Variants in APOBEC3D observed in about 807,000 individuals in gnomAD.
The protein encoded by APOBEC3D is apolipoprotein B mRNA editing enzyme catalytic subunit 3D.
In APOBEC3D, 37 loss-of-function variants were observed where a neutral mutation model predicts 45.6. The observed-to-expected ratio is 0.81, with a 90% CI of 0.62 to 1.07. The LOEUF (loss-of-function observed/expected upper bound fraction) is 1.07, where lower values mean the gene tolerates loss of function less well. APOBEC3D is among the 50% of genes least tolerant of loss of function. APOBEC3D has a pLI of 0.00. For synonymous variants in APOBEC3D, 175 were observed against 180.7 expected (o/e 0.97, Z 0.25); for missense variants, 496 against 495.3 (o/e 1.00, Z -0.01).
chr22:39,023,454 T>TC (rs1336793383), intron 2 of APOBEC3D, among the ~76,000 whole-genome samples: 4 of 150,636 alleles, frequency 2.7e-5, no homozygotes, highest in South Asian at 2.1e-4. Context: ...TCTTTCTTTT[T>TC]TTTTTTTTTT....
In APOBEC3D at chr22:39,027,964, G is replaced by A. The variant is rs1925846703; in HGVS notation, c.606-1399G>A. Among the ~76,000 whole-genome samples, 3 of 152,246 alleles carry A rather than the reference G, an allele frequency of 2.0e-5. No homozygotes were observed. In the South Asian group the frequency reaches 6.2e-4, roughly 32 times the overall value. ...TGCTTCCCGCCATTCCTGAGCTCAGGAACTGGGAGAATTGAACCAAAGGAT... is the reference window on the plus strand; with the variant it reads ...TGCTTCCCGCCATTCCTGAGCTCAGAAACTGGGAGAATTGAACCAAAGGAT... On this transcript the variant is annotated intron_variant, in intron 4 of 6. Coordinates refer to ENST00000216099, the MANE Select transcript of APOBEC3D (RefSeq NM_152426.4).
chr22:39,027,905 G>C (rs1481811995), intron 4 of APOBEC3D, among the ~76,000 whole-genome samples: 1 of 152,230 alleles, frequency 6.6e-6, no homozygotes, highest in Non-Finnish European at 1.5e-5. Flanking sequence ...GCCCGGGCTG[G>C]TGCTCCCCGC....
At chr22:39,021,880 A>T (rs558195642) in intron 1 of APOBEC3D, among the ~76,000 whole-genome samples, 1 of 152,352 alleles carries the variant, frequency 6.6e-6, no homozygotes, top group African/African-American at 2.4e-5. Context: ...ATTGAACCAA[A>T]GGATGACTGG....
Position 39,021,442 on chromosome 22 carries a change from G to A in APOBEC3D, c.-78G>A, listed in dbSNP as rs1406172593. The A allele has an allele frequency of 1.2e-5, 20 of 1,609,030 alleles. No individual in the cohort carries two copies. Among genetic ancestry groups the A allele is most frequent in the African/African-American group, 4.0e-5 (3 of 74,786 alleles). ...TTAAGGAGGGCTGTCCAACTGCAAGGAGCCGCAAGCAGGAAGTGAAACCAC... is the reference window on the plus strand; with the variant it reads ...TTAAGGAGGGCTGTCCAACTGCAAGAAGCCGCAAGCAGGAAGTGAAACCAC... On this transcript the variant is annotated 5_prime_UTR_variant, in exon 1 of 7. Transcript: ENST00000216099.
chr22:39,021,492 T>C lies in APOBEC3D; in HGVS notation c.-28T>C. The C allele has an allele frequency of 1.9e-6, 3 of 1,614,120 alleles. No individual in the cohort carries two copies. The highest frequency in any genetic ancestry group is 1.1e-5 in the South Asian group (1 of 91,080). On this transcript the variant is annotated 5_prime_UTR_variant, in exon 1 of 7. Coordinates refer to ENST00000216099, the MANE Select transcript of APOBEC3D (RefSeq NM_152426.4). ...CAGCACTTCAAAAAAAGAGGGAGAC[T>C]GGGACAAGCGTATCTAAGAGGCTGA...
Position 39,031,609 on chromosome 22 carries a change from T to C in APOBEC3D, c.763-85T>C, listed in dbSNP as rs879113485. 8.0e-5 allele frequency: 124 copies of C among 1,554,292 alleles called. 1 individual carries two copies. In the South Asian group the frequency reaches 9.2e-4, roughly 12 times the overall value. ...AGAAAATGCCCTGGGGCTTCAGGCC[T>C]GCCCTCTTCTCCCATCGCCCCACCC... On this transcript the variant is annotated intron_variant, in intron 5 of 6. Transcript: ENST00000216099.
At position 39,026,659 on chromosome 22, in the gene APOBEC3D, C is replaced by T. The variant is rs148015338; in HGVS notation, c.605+988C>T. Among the ~76,000 whole-genome samples, 238 of 152,304 alleles carry T rather than the reference C, an allele frequency of 1.6e-3. 2 individuals carry two copies. The highest frequency in any genetic ancestry group is 5.5e-3 in the African/African-American group (229 of 41,574). ...AGCACCTAGCTGGGCCTCCGGCTCA[C>T]GCCTGTCCCTTCTCAAATCCCTCCC... On this transcript the variant is annotated intron_variant, in intron 4 of 6. Transcript: ENST00000216099.
At chr22:39,022,645 T>C (rs1459581976) in intron 1 of APOBEC3D, among the ~76,000 whole-genome samples, 177 bp from the exon 2 acceptor site, 1 of 151,988 alleles carries the variant, frequency 6.6e-6, no homozygotes, top group African/African-American at 2.4e-5. Flanking sequence ...CCTGCCAGCA[T>C]CCCCTCCTCT....
rs144165073 is a variant in APOBEC3D, at chr22:39,032,449, T to C, written c.*133T>C. Reference sequence around the variant, plus strand: ...CCCTCCTGGCCTCAGGGCCATTCCATAGTGCCCCCCTGCCTCACCACCTCC... The same window carrying C: ...CCCTCCTGGCCTCAGGGCCATTCCACAGTGCCCCCCTGCCTCACCACCTCC... On this transcript the variant is annotated 3_prime_UTR_variant, in exon 7 of 7. Transcript: ENST00000216099. 17 of 1,499,336 alleles carry C rather than the reference T, an allele frequency of 1.1e-5. No homozygotes were observed. The highest frequency in any genetic ancestry group is 2.5e-4 in the Middle Eastern group (1 of 4,020). 92.9% of individuals were successfully genotyped at this position (1,499,336 alleles called of 1,614,324 possible).
intron 2 of APOBEC3D, among the ~76,000 whole-genome samples, chr22:39,024,118 T>C (rs958428291): frequency 6.6e-6 from 1 of 152,236 alleles, no homozygotes; most frequent in Non-Finnish European, 1.5e-5. Context: ...TAATATTCTA[T>C]TTAATCCAGT....
chr22:39,023,858 C>G (rs1464769352), intron 2 of APOBEC3D, among the ~76,000 whole-genome samples: 1 of 152,080 alleles, frequency 6.6e-6, no homozygotes, highest in Admixed American at 6.6e-5. Flanking sequence ...TTTGGTGAAC[C>G]CTCACTCCTC....
Position 39,025,101 on chromosome 22 carries a change from T to TG in APOBEC3D, c.243dup (p.Cys82ValfsTer14). The stretch of plus-strand genomic sequence containing the variant: ...TTCCGGTTTGAGAACCACGCAGAAA[T>TG]GTGCTTCTTATCTTGGTTCTGTGGC... On this transcript the variant is annotated frameshift_variant, in exon 3 of 7. Transcript: ENST00000216099. LOFTEE classifies it high-confidence loss of function. 3 of 1,469,870 alleles carry TG rather than the reference T, an allele frequency of 2.0e-6. No homozygotes were observed. In the South Asian group the frequency reaches 3.4e-5, roughly 17 times the overall value. The allele number at this position is 1,469,870 out of a possible 1,614,324, so 91.1% of individuals were successfully genotyped here.
At chr22:39,021,618 C>A (rs1603274776) in intron 1 of APOBEC3D, 82 bp downstream of exon 1, 5 of 1,590,542 alleles carry the variant, frequency 3.1e-6, no homozygotes, top group Non-Finnish European at 4.3e-6. Context: ...CTGGCCTCCC[C>A]CTGCCCCAGC....
chr22:39,028,586 GA>G (rs1925907002), intron 4 of APOBEC3D, among the ~76,000 whole-genome samples: 2 of 152,210 alleles, frequency 1.3e-5, no homozygotes, highest in Non-Finnish European at 2.9e-5. Flanking sequence ...GGCAGATCAC[GA>G]AGTCAGTTCA....
Position 39,025,574 on chromosome 22 carries a change from G to C in APOBEC3D, c.508G>C (p.Glu170Gln), listed in dbSNP as rs1461620264. Residue 170 changes from glutamate to glutamine, a missense_variant, in exon 4 of 7, where the codon GAA becomes CAA. By Grantham distance (29) the Glu-to-Gln change is conservative. Coordinates refer to ENST00000216099, the MANE Select transcript of APOBEC3D (RefSeq NM_152426.4). ...CATCTCAGACTTTGCATACTGCTGG[G>C]AAAACTTTGTGTGCAATGAAGGTCA... is the stretch of plus-strand genomic sequence containing the variant. Reference protein sequence around the residue: ...MDYEDFAYCWENFVCNEGQPF... With the variant: ...MDYEDFAYCWQNFVCNEGQPF... 1 of 1,614,122 alleles carries C rather than the reference G, an allele frequency of 6.2e-7. No homozygotes were observed. Among genetic ancestry groups the C allele is most frequent in the South Asian group, 1.1e-5 (1 of 91,078 alleles).
In APOBEC3D at chr22:39,025,124, G is replaced by A. The variant is rs1038605892; in HGVS notation, c.265G>A (p.Gly89Ser). 2 of 1,612,312 alleles carry A rather than the reference G, an allele frequency of 1.2e-6. No homozygotes were observed. Among genetic ancestry groups the A allele is most frequent in the Non-Finnish European group, 8.5e-7 (1 of 1,179,006 alleles). ...AATGTGCTTCTTATCTTGGTTCTGT[G>A]GCAACCGACTGCCTGCTAACAGGCG... is the stretch of plus-strand genomic sequence containing the variant. ...AEMCFLSWFCGNRLPANRRFQ... is the reference protein window; with the variant it reads ...AEMCFLSWFCSNRLPANRRFQ... The change falls in exon 3 of 7, where the codon GGC becomes AGC. Residue 89 changes from glycine to serine, a missense_variant. Physicochemically the swap from Gly to Ser is moderately conservative, Grantham distance 56. Coordinates refer to ENST00000216099, the MANE Select transcript of APOBEC3D (RefSeq NM_152426.4).
At position 39,032,044 on chromosome 22, in the gene APOBEC3D, C is replaced by T; in HGVS notation, c.1042+71C>T. On this transcript the variant is annotated intron_variant, in intron 6 of 6. Coordinates refer to ENST00000216099, the MANE Select transcript of APOBEC3D (RefSeq NM_152426.4). Reference sequence around the variant, plus strand: ...TGAGGGGCAGGTGGGTCTGCAATGCCGTGGGGCGGGGCAGTGTCCCCGGGA... The same window carrying T: ...TGAGGGGCAGGTGGGTCTGCAATGCTGTGGGGCGGGGCAGTGTCCCCGGGA... The T allele has an allele frequency of 3.1e-6, 5 of 1,599,768 alleles. No homozygotes were observed. The South Asian group carries it at 4.5e-5, about 14-fold the overall frequency.
At chr22:39,025,694 A>G (rs1275105498) in intron 4 of APOBEC3D, 23 bp downstream of exon 4, 23 of 1,613,532 alleles carry the variant, frequency 1.4e-5, no homozygotes, top group Non-Finnish European at 1.9e-5. Context: ...CTCTGGCCTC[A>G]TCGTCTCTCT....
At chr22:39,023,503 A>G (rs1925332897) in intron 2 of APOBEC3D, among the ~76,000 whole-genome samples, 3 of 143,364 alleles carry the variant, frequency 2.1e-5, no homozygotes, top group Non-Finnish European at 4.5e-5. Context: ...GCTAGAGTGC[A>G]ATGGCTCAAT....
Sources: allele counts gnomAD v4.1 joint callset (sites outside exome capture counted in the v4.1 genomes callset), GRCh38; gene constraint gnomAD v4.1.1; transcripts MANE v1.5; gene names NCBI Gene and HGNC (gene_info 2026-07-23, HGNC 2026-07-21).